The following DEPTOR variants were observed in gnomAD, a reference collection of about 807,000 sequenced individuals.
DEPTOR encodes DEP domain containing MTOR interacting protein, also known as DEP domain-containing mTOR-interacting protein.
Under a neutral mutation model 41.6 loss-of-function variants are expected in DEPTOR, and 41 were observed. The observed-to-expected ratio is 0.98, with a 90% CI of 0.77 to 1.28. DEPTOR has a LOEUF of 1.28. DEPTOR is among the 50% of genes most tolerant of loss of function. DEPTOR has a pLI of 0.00. For missense variants in DEPTOR, 514 were observed against 527.9 expected, an observed-to-expected ratio of 0.97 and a Z score of 0.26; for synonymous variants, 195 against 192.3, an observed-to-expected ratio of 1.01 and a Z score of -0.12.
chr8:119,899,624 A>G (rs1827561319), intron 1 of DEPTOR, among the ~76,000 whole-genome samples: 1 of 152,202 alleles, frequency 6.6e-6, no homozygotes. Flanking sequence ...ACATTTTTTT[A>G]AAAATCACAA....
rs540612938 is a variant in DEPTOR, at chr8:119,909,149, T to C, written c.123-19251T>C. Among the ~76,000 whole-genome samples the C allele has an allele frequency of 2.0e-5, 3 of 152,324 alleles. No individual in the cohort carries two copies. The South Asian group carries it at 6.2e-4, about 32-fold the overall frequency. ...GTGCAGTAGTGTGATTATATTAAATTGAGAAAAGACTTTCAAAGGCTCTCT... is the reference window on the plus strand; with the variant it reads ...GTGCAGTAGTGTGATTATATTAAATCGAGAAAAGACTTTCAAAGGCTCTCT... On this transcript the variant is annotated intron_variant, in intron 1 of 8. Coordinates refer to ENST00000286234, the MANE Select transcript of DEPTOR (RefSeq NM_022783.4).
chr8:119,952,979 A>T (rs1359011884), intron 3 of DEPTOR, among the ~76,000 whole-genome samples: 1 of 152,202 alleles, frequency 6.6e-6, no homozygotes, highest in Non-Finnish European at 1.5e-5. Flanking sequence ...GCAGCTGTTT[A>T]TTAGTTCCAA....
At chr8:119,982,014 TA>T (rs35334859) in intron 4 of DEPTOR, among the ~76,000 whole-genome samples, 1,139 of 65,634 alleles carry the variant, frequency 0.017, 8 homozygotes, top group South Asian at 0.031. Flanking sequence ...ATTCCATCTC[TA>T]AAAAAAAAAA....
chr8:120,009,386 A>G (rs573930627), intron 8 of DEPTOR, among the ~76,000 whole-genome samples: 3 of 152,086 alleles, frequency 2.0e-5, no homozygotes, highest in African/African-American at 7.2e-5. Context: ...GCCAAGGCAG[A>G]CATATCACTT....
At chr8:119,961,416 C>CAA (rs34706393) in intron 3 of DEPTOR, among the ~76,000 whole-genome samples, 2,228 of 108,518 alleles carry the variant, frequency 0.021, 40 homozygotes, top group African/African-American at 0.064. Flanking sequence ...AACTCCGTAT[C>CAA]AAAAAAAAAA....
intron 1 of DEPTOR, among the ~76,000 whole-genome samples, chr8:119,910,028 A>AT (rs1222211865): frequency 6.6e-6 from 1 of 152,080 alleles, no homozygotes; most frequent in African/African-American, 2.4e-5. Context: ...CGCCTCTTGT[A>AT]TTTTTTTCTG....
At chr8:119,912,228 A>G (rs1827754778) in intron 1 of DEPTOR, among the ~76,000 whole-genome samples, 1 of 152,212 alleles carries the variant, frequency 6.6e-6, no homozygotes, top group Admixed American at 6.5e-5. Flanking sequence ...GGATTGGGCT[A>G]AAATTGGAAG....
At chr8:120,043,497 T>G (rs1813111199) in intron 8 of DEPTOR, among the ~76,000 whole-genome samples, 1 of 152,094 alleles carries the variant, frequency 6.6e-6, no homozygotes, top group African/African-American at 2.4e-5. Flanking sequence ...CCGTAAGATA[T>G]TTGAGTGGCC....
chr8:120,050,213 C>T lies in DEPTOR; in HGVS notation c.*509C>T, dbSNP rs1813215460. 6.6e-6 allele frequency: 1 copy of T among 151,858 alleles called. No individual in the cohort carries two copies. The highest frequency in any genetic ancestry group is 1.5e-5 in the Non-Finnish European group (1 of 68,036). 9.4% of individuals were successfully genotyped at this position (151,858 alleles called of 1,614,324 possible). ...GTTCACTAGCATTTTCAAGGGGGTT[C>T]TAAAGCATTCAAGTGCTTAAAAGCC... On this transcript the variant is annotated 3_prime_UTR_variant, in exon 9 of 9. Transcript: ENST00000286234.
intron 3 of DEPTOR, among the ~76,000 whole-genome samples, chr8:119,933,851 T>G (rs924629394): frequency 6.6e-6 from 1 of 152,084 alleles, no homozygotes; most frequent in East Asian, 1.9e-4. Flanking sequence ...TGCTGAACCA[T>G]GTTGATTTTT....
chr8:119,873,820 C>T lies in DEPTOR; in HGVS notation c.-27C>T, dbSNP rs1354810570. Reference sequence around the variant, plus strand: ...CCAAACCCTCGGCGGACAGCGGAGCCAGTGGTAGCCGCACGGCCCTAAAAC... The same window carrying T: ...CCAAACCCTCGGCGGACAGCGGAGCTAGTGGTAGCCGCACGGCCCTAAAAC... On this transcript the variant is annotated 5_prime_UTR_variant, in exon 1 of 9. Coordinates refer to ENST00000286234, the MANE Select transcript of DEPTOR (RefSeq NM_022783.4). The T allele has an allele frequency of 1.2e-6, 2 of 1,607,876 alleles. No homozygotes were observed. Among genetic ancestry groups the T allele is most frequent in the Non-Finnish European group, 8.5e-7 (1 of 1,177,080 alleles).
intron 1 of DEPTOR, among the ~76,000 whole-genome samples, chr8:119,916,111 T>C (rs1827809246): frequency 6.6e-6 from 1 of 152,106 alleles, no homozygotes. Context: ...GTTGAATGCT[T>C]TGTCCAAAGT....
At chr8:119,990,098 A>G (rs1812128789) in intron 4 of DEPTOR, among the ~76,000 whole-genome samples, 1 of 152,174 alleles carries the variant, frequency 6.6e-6, no homozygotes, top group African/African-American at 2.4e-5. Flanking sequence ...TCTGCATGTT[A>G]TCACTAACAG....
At position 119,974,771 on chromosome 8, in the gene DEPTOR, C is replaced by CA. The variant is rs200822949; in HGVS notation, c.604+9371dup. Among the ~76,000 whole-genome samples, 452 of 136,670 alleles carry CA rather than the reference C, an allele frequency of 3.3e-3. 1 individual carries two copies. The highest frequency in any genetic ancestry group is 0.011 in the African/African-American group (395 of 37,058). The allele number at this position is 136,670 out of a possible 152,430, so 89.7% of individuals were successfully genotyped here. On this transcript the variant is annotated intron_variant, in intron 4 of 8. Transcript: ENST00000286234. ...TGGGCGACAGAGCAAGACTCTGCCTCAAAAAAAAAAGGTGGGGGGGTGGGT... is the reference window on the plus strand; with the variant it reads ...TGGGCGACAGAGCAAGACTCTGCCTCAAAAAAAAAAAGGTGGGGGGGTGGGT...
intron 1 of DEPTOR, among the ~76,000 whole-genome samples, chr8:119,878,614 A>G (rs1827259213): frequency 6.6e-6 from 1 of 151,936 alleles, no homozygotes; most frequent in South Asian, 2.1e-4. Flanking sequence ...GGCGTGAGCC[A>G]CCATGCCCGG....
chr8:120,041,619 CCTCTG>C (rs1563600896), intron 8 of DEPTOR, among the ~76,000 whole-genome samples: 2 of 152,160 alleles, frequency 1.3e-5, no homozygotes, highest in African/African-American at 4.8e-5. Context: ...CTCACTACAA[CCTCTG>C]CCTCTTGGGT....
At chr8:120,013,100 T>C (rs1046541261) in intron 8 of DEPTOR, among the ~76,000 whole-genome samples, 2 of 147,496 alleles carry the variant, frequency 1.4e-5, no homozygotes, top group East Asian at 4.0e-4. Context: ...GAGGTTGTAG[T>C]GAGCCAAGAT....
chr8:119,997,182 C>T (rs1412016190), intron 4 of DEPTOR, among the ~76,000 whole-genome samples: 3 of 152,094 alleles, frequency 2.0e-5, no homozygotes, highest in South Asian at 2.1e-4. Flanking sequence ...TGGCCTCAAG[C>T]GATCCTCCCA....
chr8:119,903,238 A>G (rs1827618396), intron 1 of DEPTOR, among the ~76,000 whole-genome samples: 2 of 152,108 alleles, frequency 1.3e-5, no homozygotes, highest in Non-Finnish European at 2.9e-5. Context: ...AGCTGGGATT[A>G]TAGGTCCCTG....
Sources: gnomAD v4.1 joint callset for allele counts (sites outside exome capture counted in the v4.1 genomes callset) on GRCh38, gnomAD v4.1.1 for gene constraint, MANE v1.5 for transcripts, NCBI Gene and HGNC (gene_info 2026-07-23, HGNC 2026-07-21) for gene names.